The following UBE2E2 variants were observed in gnomAD, a reference collection of about 807,000 sequenced individuals.
UBE2E2 encodes the protein ubiquitin conjugating enzyme E2 E2.
Under a neutral mutation model 24.7 loss-of-function variants are expected in UBE2E2, and 6 were observed. The ratio of observed to expected loss-of-function variants is 0.24; its 90% CI spans 0.13 to 0.48. The LOEUF is 0.48. Among genes scored for constraint, UBE2E2 ranks in the 20% least tolerant of loss-of-function variants. UBE2E2 has a pLI of 0.99. For missense variants in UBE2E2, 169 were observed against 245.0 expected, an observed-to-expected ratio of 0.69 and a Z score of 2.07; for synonymous variants, 104 against 83.6, an observed-to-expected ratio of 1.24 and a Z score of -1.33.
At chr3:23,299,261 GT>G (rs925862462) in intron 3 of UBE2E2, among the ~76,000 whole-genome samples, 2 of 152,102 alleles carry the variant, frequency 1.3e-5, no homozygotes, top group African/African-American at 4.8e-5. Context: ...TCTTTTGAAG[GT>G]TTTTTTGTGT....
At chr3:23,505,939 T>C (rs1694446398) in intron 4 of UBE2E2, among the ~76,000 whole-genome samples, 1 of 152,240 alleles carries the variant, frequency 6.6e-6, no homozygotes, top group African/African-American at 2.4e-5. Context: ...AACAGTGATA[T>C]TCAGCATCTG....
Position 23,483,096 on chromosome 3 carries a change from A to G in UBE2E2, c.228-16512A>G, listed in dbSNP as rs146741425. Among the ~76,000 whole-genome samples, 98 of 152,324 alleles carry G rather than the reference A, an allele frequency of 6.4e-4. 5 individuals carry two copies. In the East Asian group the frequency reaches 0.015, roughly 24 times the overall value. On this transcript the variant is annotated intron_variant, in intron 3 of 5. Coordinates refer to ENST00000396703, the MANE Select transcript of UBE2E2 (RefSeq NM_152653.4). ...AAGGTAGTGAACTAATGTTGACACC[A>G]TTTAGTTTATCATTGCTGCTATGGT...
intron 3 of UBE2E2, among the ~76,000 whole-genome samples, chr3:23,354,942 C>G (rs369660067): frequency 6.6e-6 from 1 of 151,838 alleles, no homozygotes; most frequent in African/African-American, 2.4e-5. Flanking sequence ...ATGTTTATTG[C>G]GGCACTATTC....
intron 3 of UBE2E2, among the ~76,000 whole-genome samples, chr3:23,369,095 A>G (rs1696334412): frequency 6.6e-6 from 1 of 152,192 alleles, no homozygotes. Context: ...GTGAATTTTC[A>G]GTTATTTGAA....
chr3:23,503,148 G>T (rs542934587), intron 4 of UBE2E2, among the ~76,000 whole-genome samples: 1 of 150,994 alleles, frequency 6.6e-6, no homozygotes, highest in East Asian at 1.9e-4. Flanking sequence ...TTTGTTTTTT[G>T]GGGTTTTTTT....
At chr3:23,341,189 C>G (rs2125309985) in intron 3 of UBE2E2, among the ~76,000 whole-genome samples, 1 of 152,184 alleles carries the variant, frequency 6.6e-6, no homozygotes, top group Middle Eastern at 3.4e-3. Context: ...GACTACAGAC[C>G]TAAAGAGCAG....
chr3:23,223,023 C>T (rs750980545), intron 3 of UBE2E2, among the ~76,000 whole-genome samples: 1,126 of 106,534 alleles, frequency 0.011, 22 homozygotes, highest in Non-Finnish European at 0.016. Context: ...TGCCCCCCCC[C>T]CCTTTTTTTT....
chr3:23,300,005 T>C (rs943141298), intron 3 of UBE2E2, among the ~76,000 whole-genome samples: 4 of 152,126 alleles, frequency 2.6e-5, no homozygotes, highest in African/African-American at 9.7e-5. Flanking sequence ...TAGTTAGCTC[T>C]TCTTGTTGAA....
intron 4 of UBE2E2, among the ~76,000 whole-genome samples, chr3:23,522,892 GA>G (rs201844718): frequency 6.7e-6 from 1 of 149,762 alleles, no homozygotes; most frequent in Non-Finnish European, 1.5e-5. Context: ...TCTATAGAAA[GA>G]AAAAAAAATG....
intron 3 of UBE2E2, among the ~76,000 whole-genome samples, chr3:23,346,268 T>C (rs1695552862): frequency 6.6e-6 from 1 of 152,214 alleles, no homozygotes; most frequent in Non-Finnish European, 1.5e-5. Context: ...TGAAAATTTG[T>C]CCAACATTTG....
intron 3 of UBE2E2, among the ~76,000 whole-genome samples, chr3:23,386,403 G>C (rs976651309): frequency 2.0e-5 from 3 of 152,160 alleles, no homozygotes; most frequent in Admixed American, 2.0e-4. Flanking sequence ...CAATCAGGTT[G>C]GGGGTTAAGA....
chr3:23,465,664 A>G (rs928875275), intron 3 of UBE2E2, among the ~76,000 whole-genome samples: 2 of 152,200 alleles, frequency 1.3e-5, no homozygotes, highest in Non-Finnish European at 2.9e-5. Context: ...GATCAGATCT[A>G]CAGAACCCTG....
chr3:23,587,317 T>G (rs1206837505), intron 5 of UBE2E2, among the ~76,000 whole-genome samples: 1 of 152,202 alleles, frequency 6.6e-6, no homozygotes, highest in Non-Finnish European at 1.5e-5. Flanking sequence ...CCCTTTATTC[T>G]TCATTTGTTT....
At position 23,292,632 on chromosome 3, in the gene UBE2E2, G is replaced by C. The variant is rs781482072; in HGVS notation, c.227+75320G>C. Among the ~76,000 whole-genome samples, 31 of 152,320 alleles carry C rather than the reference G, an allele frequency of 2.0e-4. 1 individual carries two copies. The highest frequency in any genetic ancestry group is 3.4e-4 in the Non-Finnish European group (23 of 68,026). Reference sequence around the variant, plus strand: ...TCCTCCTGGGAGCCCTCCAGCCTTTGAAATAACCTGCTACTGGCTAGAGTA... The same window carrying C: ...TCCTCCTGGGAGCCCTCCAGCCTTTCAAATAACCTGCTACTGGCTAGAGTA... On this transcript the variant is annotated intron_variant, in intron 3 of 5. Coordinates refer to ENST00000396703, the MANE Select transcript of UBE2E2 (RefSeq NM_152653.4).
At chr3:23,266,826 T>C (rs1698062194) in intron 3 of UBE2E2, among the ~76,000 whole-genome samples, 2 of 152,104 alleles carry the variant, frequency 1.3e-5, no homozygotes, top group South Asian at 2.1e-4. Flanking sequence ...TCAGCAAATG[T>C]AAAAGAACAG....
chr3:23,421,729 A>G (rs892984401), intron 3 of UBE2E2, among the ~76,000 whole-genome samples: 3 of 152,250 alleles, frequency 2.0e-5, no homozygotes, highest in Non-Finnish European at 4.4e-5. Flanking sequence ...CTTAAGTGAA[A>G]TAACAGAAAC....
chr3:23,381,399 T>C (rs78975530), intron 3 of UBE2E2, among the ~76,000 whole-genome samples: 1 of 120,324 alleles, frequency 8.3e-6, no homozygotes, highest in East Asian at 2.4e-4. Context: ...AAAAATGTCA[T>C]TTGATCATAT....
chr3:23,362,564 G>A (rs891996098), intron 3 of UBE2E2, among the ~76,000 whole-genome samples: 22 of 152,128 alleles, frequency 1.4e-4, no homozygotes, highest in African/African-American at 4.6e-4. Flanking sequence ...GTCTGAACTC[G>A]GACAGAGGTC....
chr3:23,476,090 C>T (rs1699128208), intron 3 of UBE2E2, among the ~76,000 whole-genome samples: 1 of 152,042 alleles, frequency 6.6e-6, no homozygotes, highest in Admixed American at 6.5e-5. Context: ...TTGTGTTCTG[C>T]ATTGTCTAAG....
Sources: gnomAD v4.1 joint callset for allele counts (sites outside exome capture counted in the v4.1 genomes callset) on GRCh38, gnomAD v4.1.1 for gene constraint, MANE v1.5 for transcripts, NCBI Gene and HGNC (gene_info 2026-07-23, HGNC 2026-07-21) for gene names.